Variants in ZNF331 observed in about 807,000 individuals in gnomAD.
ZNF331 encodes the protein zinc finger protein 331.
In ZNF331, 2 loss-of-function variants were observed where a neutral mutation model predicts 7.0. The observed-to-expected ratio is 0.29, with a 90% CI of 0.12 to 0.90. ZNF331 has a LOEUF of 0.90. ZNF331 is among the 40% of genes least tolerant of loss of function. ZNF331 has a pLI of 0.58. For synonymous variants in ZNF331, 196 were observed against 205.4 expected, an observed-to-expected ratio of 0.95 and a Z score of 0.39; for missense variants, 432 against 587.7, an observed-to-expected ratio of 0.74 and a Z score of 2.74.
At chr19:53,542,703 T>C (rs1490136381) in intron 2 of ZNF331, among the ~76,000 whole-genome samples, 2 of 152,168 alleles carry the variant, frequency 1.3e-5, no homozygotes, top group Admixed American at 1.3e-4. Flanking sequence ...GAATCTCTTT[T>C]GCTAATGTAT....
chr19:53,578,267 T>G lies in ZNF331; in HGVS notation c.*315T>G, dbSNP rs1318660631. 6.2e-6 allele frequency: 2 copies of G among 323,940 alleles called. No individual in the cohort carries two copies. Among genetic ancestry groups the G allele is most frequent in the Non-Finnish European group, 1.2e-5 (2 of 173,116 alleles). 20.1% of individuals were successfully genotyped at this position (323,940 alleles called of 1,614,324 possible). A position where few individuals can be genotyped will look rare whatever the true frequency, so the allele number is the denominator to read the frequency against. ...CATCACAGTGCCTGTGCCCAAGCAG[T>G]CCTCACTTTGCTTAACAGTGGCCCC... On this transcript the variant is annotated 3_prime_UTR_variant, in exon 6 of 6. Coordinates refer to ENST00000449416, the MANE Select transcript of ZNF331 (RefSeq NM_001079906.2).
upstream of ZNF331, among the ~76,000 whole-genome samples, chr19:53,516,048 G>A (rs1465586084): frequency 6.6e-6 from 1 of 152,192 alleles, no homozygotes; most frequent in Non-Finnish European, 1.5e-5. Context: ...GACACAGAAA[G>A]AGAAATATTG....
intron 3 of ZNF331, among the ~76,000 whole-genome samples, chr19:53,567,785 G>C (rs2090228092): frequency 6.6e-6 from 1 of 151,746 alleles, no homozygotes; most frequent in South Asian, 2.1e-4. Flanking sequence ...CAAGGCTGCA[G>C]TGAGCTGAGA....
the ZNF331 span, among the ~76,000 whole-genome samples, chr19:53,508,757 G>A: frequency 2.0e-5 from 3 of 152,168 alleles, no homozygotes; most frequent in South Asian, 4.1e-4. Flanking sequence ...AGCTAAAAGC[G>A]AGTTATGGGA....
At chr19:53,514,713 C>T (rs563460596), upstream of ZNF331, among the ~76,000 whole-genome samples, 3 of 128,022 alleles carry the variant, frequency 2.3e-5, no homozygotes, top group Admixed American at 2.6e-4. Context: ...TGCAGTGGCG[C>T]GATCTCGGCT....
At chr19:53,546,932 C>A (rs1040735683) in intron 2 of ZNF331, among the ~76,000 whole-genome samples, 1 of 152,018 alleles carries the variant, frequency 6.6e-6, no homozygotes. Flanking sequence ...AGTATGAGTT[C>A]TGGATCTAGG....
upstream of ZNF331, among the ~76,000 whole-genome samples, chr19:53,515,184 G>A (rs1390270073): frequency 3.9e-5 from 6 of 152,066 alleles, no homozygotes; most frequent in South Asian, 4.1e-4. Context: ...CTCCTGCTCC[G>A]CGTTCTGTTA....
At chr19:53,521,107 C>T (rs2087057593) in exon 1 of ZNF331, 1 of 152,356 alleles carries the variant, frequency 6.6e-6, no homozygotes, top group African/African-American at 2.4e-5. Flanking sequence ...AATGGTTTCT[C>T]CTGGATCTTA....
At chr19:53,521,072 GC>G (rs2147221233) in exon 1 of ZNF331, 1 of 152,408 alleles carries the variant, frequency 6.6e-6, no homozygotes, top group African/African-American at 2.4e-5. Flanking sequence ...TGAGGGGCGT[GC>G]TTCATGCTCG....
chr19:53,531,291 C>CA (rs2087529223), intron 2 of ZNF331, among the ~76,000 whole-genome samples: 1 of 152,138 alleles, frequency 6.6e-6, no homozygotes, highest in African/African-American at 2.4e-5. Context: ...AACAACTTAT[C>CA]CCGGTCATCC....
the ZNF331 span, among the ~76,000 whole-genome samples, chr19:53,510,592 C>G: frequency 6.6e-6 from 1 of 152,128 alleles, no homozygotes; most frequent in Non-Finnish European, 1.5e-5. Context: ...GCCCATCAAC[C>G]AACATGTCTT....
intron 4 of ZNF331, among the ~76,000 whole-genome samples, chr19:53,570,555 G>C (rs552618422): frequency 6.6e-6 from 1 of 151,622 alleles, no homozygotes; most frequent in African/African-American, 2.4e-5. Flanking sequence ...TTCTTGGGAC[G>C]GAGTTTCACT....
the ZNF331 span, among the ~76,000 whole-genome samples, chr19:53,510,442 T>A: frequency 6.6e-6 from 1 of 151,982 alleles, no homozygotes; most frequent in Non-Finnish European, 1.5e-5. Context: ...TTTTTTTTTT[T>A]TTTTTTTGCC....
Position 53,573,809 on chromosome 19 carries a change from TACTC to T in ZNF331, c.136+2081_136+2084del, listed in dbSNP as rs2090575379. Among the ~76,000 whole-genome samples, 1 of 152,056 alleles carries T rather than the reference TACTC, an allele frequency of 6.6e-6. No homozygotes were observed. The highest frequency in any genetic ancestry group is 6.6e-5 in the Admixed American group (1 of 15,242). On this transcript the variant is annotated intron_variant, in intron 5 of 5. Coordinates refer to ENST00000449416, the MANE Select transcript of ZNF331 (RefSeq NM_001079906.2). This position sits in a 1 kb window ranked among gnomAD's most constrained non-coding sequence, Gnocchi z 4.2. ...TTCTGGTTGTTATAAATTTGATTAATACTCAATCAAAAAAAATTTAAGGCCAGGC... is the reference window on the plus strand; with the variant it reads ...TTCTGGTTGTTATAAATTTGATTAATAATCAAAAAAAATTTAAGGCCAGGC...
rs2090873949 is a variant in ZNF331 at position 53,580,243 on chromosome 19, ATAT to A, written c.*2294_*2296del. ...AATACAATTATTATTTGTCAATCAAATATTAATAAAATCAAAGATGAGCAGGTC... is the reference window on the plus strand; with the variant it reads ...AATACAATTATTATTTGTCAATCAAATAATAAAATCAAAGATGAGCAGGTC... On this transcript the variant is annotated 3_prime_UTR_variant, in exon 6 of 6. Coordinates refer to ENST00000449416, the MANE Select transcript of ZNF331 (RefSeq NM_001079906.2). 5.5e-6 allele frequency: 1 copy of A among 182,312 alleles called. No homozygotes were observed. Among genetic ancestry groups the A allele is most frequent in the African/African-American group, 2.4e-5 (1 of 42,492 alleles). The allele number at this position is 182,312 out of a possible 1,614,324, so 11.3% of individuals were successfully genotyped here.
the ZNF331 span, among the ~76,000 whole-genome samples, chr19:53,511,558 T>C: frequency 6.6e-6 from 1 of 152,104 alleles, no homozygotes; most frequent in Non-Finnish European, 1.5e-5. Context: ...TCAGTTTAGA[T>C]ATAAAAGAAA....
chr19:53,575,547 C>T (rs781283998), intron 5 of ZNF331, among the ~76,000 whole-genome samples: 4 of 123,150 alleles, frequency 3.2e-5, no homozygotes, highest in Non-Finnish European at 4.8e-5. Context: ...TCAGTCGGCT[C>T]ACTGCAACCT....
chr19:53,522,659 T>C (rs1382206344), exon 2 of ZNF331: 2 of 152,216 alleles, frequency 1.3e-5, no homozygotes, highest in Non-Finnish European at 2.9e-5. Flanking sequence ...AGAAGAAGTG[T>C]TATATGTCCT....
intron 2 of ZNF331, among the ~76,000 whole-genome samples, chr19:53,532,558 G>A (rs1042467360): frequency 2.6e-5 from 4 of 152,104 alleles, no homozygotes; most frequent in African/African-American, 9.7e-5. Flanking sequence ...CAACTTGGGA[G>A]CATTCCTTCC....
Sources: gnomAD v4.1 joint callset for allele counts (sites outside exome capture counted in the v4.1 genomes callset) on GRCh38, gnomAD v4.1.1 for gene constraint, Gnocchi (gnomAD v3.1) non-coding constraint, MANE v1.5 for transcripts, NCBI Gene and HGNC (gene_info 2026-07-23, HGNC 2026-07-21) for gene names.